CTTNBP2: variants seen among roughly 807,000 people sequenced by gnomAD.
The protein encoded by CTTNBP2 is cortactin binding protein 2, also known as cortactin-binding protein 2.
Under a neutral mutation model 156.9 loss-of-function variants are expected in CTTNBP2, and 108 were observed. The ratio of observed to expected loss-of-function variants is 0.69; its 90% CI spans 0.59 to 0.81. The LOEUF is 0.81. Ranked by LOEUF, CTTNBP2 falls within the 30% of genes least tolerant of loss-of-function variation. The pLI, the probability that CTTNBP2 is intolerant of heterozygous loss-of-function variation, is 0.00. For missense variants in CTTNBP2, 1,924 were observed against 2,035.4 expected (o/e 0.95, Z 1.05); for synonymous variants, 767 against 751.8 (o/e 1.02, Z -0.33).
chr7:117,729,139 C>A (rs1392408491), intron 16 of CTTNBP2, among the ~76,000 whole-genome samples: 1 of 152,190 alleles, frequency 6.6e-6, no homozygotes, highest in African/African-American at 2.4e-5. Flanking sequence ...TAATGACTGT[C>A]TAATAAACTG....
chr7:117,855,360 G>A (rs190435156), intron 2 of CTTNBP2, among the ~76,000 whole-genome samples: 4 of 152,290 alleles, frequency 2.6e-5, no homozygotes, highest in Admixed American at 6.5e-5. Flanking sequence ...TGATCTGCCC[G>A]CCTCGGCCTA....
chr7:117,784,673 TAAA>T (rs925851187), intron 4 of CTTNBP2, among the ~76,000 whole-genome samples: 1 of 152,212 alleles, frequency 6.6e-6, no homozygotes, highest in African/African-American at 2.4e-5. Flanking sequence ...ACATACATGG[TAAA>T]AAATTATTTT....
At chr7:117,715,008 A>G (rs1794265179) in intron 22 of CTTNBP2, among the ~76,000 whole-genome samples, 2 of 152,244 alleles carry the variant, frequency 1.3e-5, no homozygotes, top group Non-Finnish European at 2.9e-5. Flanking sequence ...ATTTGTGTAG[A>G]AAGGCACTGA....
intron 5 of CTTNBP2, among the ~76,000 whole-genome samples, chr7:117,783,268 A>G (rs1173010189): frequency 1.3e-5 from 2 of 152,226 alleles, no homozygotes; most frequent in Admixed American, 6.5e-5. Flanking sequence ...CATGTGCCAG[A>G]AAATGCTTTA....
intron 22 of CTTNBP2, among the ~76,000 whole-genome samples, chr7:117,717,736 T>C (rs1237916963): frequency 1.4e-5 from 2 of 142,974 alleles, no homozygotes; most frequent in Non-Finnish European, 3.0e-5. Flanking sequence ...AGTTTTGTCA[T>C]ATAAAATGAA....
chr7:117,788,372 C>A (rs1798815665), intron 4 of CTTNBP2, among the ~76,000 whole-genome samples: 1 of 152,186 alleles, frequency 6.6e-6, no homozygotes, highest in Admixed American at 6.5e-5. Context: ...TCCTGCCTTA[C>A]TATACTTAGT....
chr7:117,719,555 G>T lies in CTTNBP2; in HGVS notation c.4593C>A (p.Val1531=). Residue 1531 remains valine (V), a synonymous_variant, in exon 21 of 23, where the codon GTC becomes GTA. Coordinates refer to ENST00000160373, the MANE Select transcript of CTTNBP2 (RefSeq NM_033427.3). The stretch of plus-strand genomic sequence containing the variant: ...TGGAGCACATGCTCTGAAGTTCCTT[G>T]ACAAGATCTGCTTCGTCATCTGAAC... ...SLGSDDEADL[V]KELQSMCSSK... 6.2e-7 allele frequency: 1 copy of T among 1,613,946 alleles called. No individual in the cohort carries two copies. Among genetic ancestry groups the T allele is most frequent in the Non-Finnish European group, 8.5e-7 (1 of 1,179,906 alleles).
intron 20 of CTTNBP2, 62 bp from the exon 21 acceptor site, chr7:117,719,698 G>T (rs1274690509): frequency 2.2e-5 from 31 of 1,429,474 alleles, no homozygotes; most frequent in Non-Finnish European, 3.0e-5. Context: ...TGGAAATCTA[G>T]ACACTGTACC....
intron 11 of CTTNBP2, among the ~76,000 whole-genome samples, chr7:117,756,878 C>G (rs970553101): frequency 2.6e-5 from 4 of 152,282 alleles, no homozygotes; most frequent in Admixed American, 1.3e-4. Flanking sequence ...TCCTCCACCC[C>G]CTGGGATGCC....
chr7:117,814,212 A>G (rs146615948), intron 2 of CTTNBP2, among the ~76,000 whole-genome samples: 162 of 150,704 alleles, frequency 1.1e-3, no homozygotes, highest in African/African-American at 3.1e-3. Context: ...TTCCAGTTTT[A>G]CCCAACAGAT....
intron 2 of CTTNBP2, among the ~76,000 whole-genome samples, chr7:117,817,351 AAAAAAAAAAAATATAT>A (rs1413681334): frequency 1.1e-3 from 53 of 47,306 alleles, no homozygotes; most frequent in African/African-American, 3.4e-3. Context: ...AAAAAAAAAA[AAAAAAAAAAAATATAT>A]ATATATATAT....
rs145187050 is a variant in CTTNBP2, at chr7:117,755,173, G to A, written c.3348+1382C>T. ...GGGGGACAAAGAGTAAAGCAAAGAA[G>A]TCAAAGTATCAGATTCAGGAGAATC... On this transcript the variant is annotated intron_variant, in intron 12 of 22. Coordinates refer to ENST00000160373, the MANE Select transcript of CTTNBP2 (RefSeq NM_033427.3). 3.6e-4 allele frequency among the ~76,000 whole-genome samples: 55 copies of A among 152,318 alleles called. 1 individual carries two copies. The East Asian group carries it at 9.6e-3, about 27-fold the overall frequency.
chr7:117,755,969 A>C (rs1796860376), intron 12 of CTTNBP2, among the ~76,000 whole-genome samples: 1 of 152,184 alleles, frequency 6.6e-6, no homozygotes, highest in Non-Finnish European at 1.5e-5. Flanking sequence ...ACCTTTGACC[A>C]AGCAACACAA....
chr7:117,813,212 C>G (rs6964300), intron 2 of CTTNBP2, among the ~76,000 whole-genome samples: 86,080 of 152,002 alleles, frequency 0.57, 24,507 homozygotes, highest in East Asian at 0.72. Flanking sequence ...AGGAACACCC[C>G]CTTTTGCACT....
rs1425363862 is a variant in CTTNBP2 at position 117,791,867 on chromosome 7, T to G, written c.1329A>C (p.Pro443=). ...ATCTAAATCTAGCTGCTTGGATTCG[T>G]GGGTTTAGACCTGGATGCAAAGAGG... is the stretch of plus-strand genomic sequence containing the variant. ...ANTSLHPGLN[P]RIQAARFRFQ... The change falls in exon 4 of 23, where the codon CCA becomes CCC. Residue 443 remains proline, a synonymous_variant. Coordinates refer to ENST00000160373, the MANE Select transcript of CTTNBP2 (RefSeq NM_033427.3). 1 of 1,614,178 alleles carries G rather than the reference T, an allele frequency of 6.2e-7. No individual in the cohort carries two copies. Among genetic ancestry groups the G allele is most frequent in the African/African-American group, 1.3e-5 (1 of 75,040 alleles).
chr7:117,857,643 T>G (rs1803418040), intron 2 of CTTNBP2, among the ~76,000 whole-genome samples: 1 of 152,170 alleles, frequency 6.6e-6, no homozygotes, highest in Non-Finnish European at 1.5e-5. Flanking sequence ...AATTTATATA[T>G]TAAGTTCAAA....
chr7:117,804,923 A>C (rs1194678165), intron 3 of CTTNBP2, among the ~76,000 whole-genome samples: 4 of 152,180 alleles, frequency 2.6e-5, no homozygotes, highest in African/African-American at 9.7e-5. Flanking sequence ...GGAACTTAAA[A>C]AATTTCCTGC....
chr7:117,871,787 AAC>A (rs1804608116), intron 1 of CTTNBP2: 1 of 272,478 alleles, frequency 3.7e-6, no homozygotes, highest in Non-Finnish European at 4.7e-6. Context: ...GGGAACAAGA[AAC>A]ACACCACACA....
At chr7:117,799,705 G>A (rs529165217) in intron 3 of CTTNBP2, among the ~76,000 whole-genome samples, 2 of 152,114 alleles carry the variant, frequency 1.3e-5, no homozygotes, top group African/African-American at 4.8e-5. Flanking sequence ...AAATCATTTG[G>A]AAAGGAATAA....
Sources: allele counts gnomAD v4.1 joint callset (sites outside exome capture counted in the v4.1 genomes callset), GRCh38; gene constraint gnomAD v4.1.1; transcripts MANE v1.5; gene names NCBI Gene and HGNC (gene_info 2026-07-23, HGNC 2026-07-21).